Variants in LRP1B observed in about 807,000 individuals in gnomAD.
The protein encoded by LRP1B is low-density lipoprotein receptor-related protein 1B.
LRP1B carries 217 observed loss-of-function variants against 556.6 expected under a neutral mutation model. That is an observed-to-expected ratio of 0.39 (90% CI 0.35 to 0.44). The LOEUF is 0.44. LRP1B is among the 20% of genes least tolerant of loss of function. LRP1B has a pLI of 1.00. For missense variants in LRP1B, 5,053 were observed against 5,620.8 expected, an observed-to-expected ratio of 0.90 and a Z score of 3.23; for synonymous variants, 2,047 against 1,865.8, an observed-to-expected ratio of 1.10 and a Z score of -2.50.
At chr2:141,839,572 C>T (rs1279644241) in intron 1 of LRP1B, among the ~76,000 whole-genome samples, 3 of 152,110 alleles carry the variant, frequency 2.0e-5, no homozygotes, top group Non-Finnish European at 4.4e-5. Context: ...TTTGTGCCCT[C>T]GGTTAGGCTG....
chr2:142,042,110 G>A (rs983705937), intron 1 of LRP1B, among the ~76,000 whole-genome samples: 5 of 151,438 alleles, frequency 3.3e-5, no homozygotes, highest in East Asian at 2.0e-4. Context: ...CATAATGTGT[G>A]CTGTAAGCTA....
intron 3 of LRP1B, among the ~76,000 whole-genome samples, chr2:141,273,524 C>G (rs1269031148): frequency 6.6e-6 from 1 of 151,932 alleles, no homozygotes; most frequent in African/African-American, 2.4e-5. Context: ...ACTGGAAATC[C>G]ACATGCAAAA....
In LRP1B at chr2:140,262,476, C is replaced by T. The variant is rs536891728; in HGVS notation, c.13247+7766G>A. Among the ~76,000 whole-genome samples the T allele has an allele frequency of 1.4e-4, 22 of 152,190 alleles. No homozygotes were observed. The South Asian group carries it at 1.9e-3, about 13-fold the overall frequency. On this transcript the variant is annotated intron_variant, in intron 86 of 90. Coordinates refer to ENST00000389484, the MANE Select transcript of LRP1B (RefSeq NM_018557.3). ...AATAGGCTACACCAACAGTAATGGA[C>T]GAATATGTATGTGAATCCAGGGAAG...
At chr2:141,024,359 T>G (rs965970075) in intron 11 of LRP1B, among the ~76,000 whole-genome samples, 1 of 151,958 alleles carries the variant, frequency 6.6e-6, no homozygotes, top group South Asian at 2.1e-4. Context: ...CAAAATACCT[T>G]GATGTTGTAT....
intron 2 of LRP1B, among the ~76,000 whole-genome samples, chr2:141,675,349 T>A (rs1690835233): frequency 6.6e-6 from 1 of 152,064 alleles, no homozygotes; most frequent in East Asian, 1.9e-4. Context: ...CAAAAATAAT[T>A]CTCACATACT....
Position 140,353,001 on chromosome 2 carries a change from C to G in LRP1B, c.11602G>C (p.Val3868Leu), listed in dbSNP as rs182361356. The change falls in exon 76 of 91, where the codon GTG becomes CTG. Residue 3868 changes from valine to leucine, a missense_variant. By Grantham distance (32) the Val-to-Leu change is conservative. Transcript: ENST00000389484. ...CTTTCTTGAAAATTCTGGTCACACA[C>G]ACATTTATATGATCCTTCCACATTT... Reference protein sequence around the residue: ...CINVEGSYKCVCDQNFQERNN... With the variant: ...CINVEGSYKCLCDQNFQERNN... 1 of 1,612,856 alleles carries G rather than the reference C, an allele frequency of 6.2e-7. No homozygotes were observed. Among genetic ancestry groups the G allele is most frequent in the Middle Eastern group, 1.7e-4 (1 of 6,044 alleles).
intron 1 of LRP1B, among the ~76,000 whole-genome samples, chr2:141,840,439 A>G (rs2105759332): frequency 6.6e-6 from 1 of 151,404 alleles, no homozygotes; most frequent in Middle Eastern, 3.4e-3. Context: ...AATTTTTTGT[A>G]CTTTTAGTAG....
intron 84 of LRP1B, among the ~76,000 whole-genome samples, chr2:140,284,881 T>TATGG (rs1464754438): frequency 5.5e-5 from 8 of 146,338 alleles, no homozygotes; most frequent in East Asian, 2.0e-4. Context: ...TATATCTATC[T>TATGG]ATATCTATAT....
At chr2:141,662,584 G>T (rs533871944) in intron 2 of LRP1B, among the ~76,000 whole-genome samples, 1 of 152,012 alleles carries the variant, frequency 6.6e-6, no homozygotes, top group East Asian at 1.9e-4. Context: ...AAGACAAAAA[G>T]GGCATTACCT....
At chr2:141,321,115 G>A (rs957273403) in intron 3 of LRP1B, among the ~76,000 whole-genome samples, 1 of 152,094 alleles carries the variant, frequency 6.6e-6, no homozygotes, top group African/African-American at 2.4e-5. Flanking sequence ...AACATATAAT[G>A]TGGCAGGCTA....
intron 3 of LRP1B, among the ~76,000 whole-genome samples, chr2:141,361,568 C>T (rs1010909691): frequency 6.6e-6 from 1 of 152,138 alleles, no homozygotes; most frequent in Non-Finnish European, 1.5e-5. Context: ...TAAAACATAT[C>T]TCGATGTGTC....
intron 35 of LRP1B, among the ~76,000 whole-genome samples, chr2:140,763,393 G>A (rs1339889167): frequency 6.6e-6 from 1 of 152,006 alleles, no homozygotes; most frequent in African/African-American, 2.4e-5. Context: ...ACTCAGGCAG[G>A]GAAAAAGAAA....
At chr2:142,044,441 G>A (rs1180669320) in intron 1 of LRP1B, among the ~76,000 whole-genome samples, 1 of 151,714 alleles carries the variant, frequency 6.6e-6, no homozygotes, top group Non-Finnish European at 1.5e-5. Flanking sequence ...CAGAGGTTGA[G>A]CTGATCTTTG....
At chr2:142,058,914 C>T (rs1009339896) in intron 1 of LRP1B, among the ~76,000 whole-genome samples, 23 of 152,168 alleles carry the variant, frequency 1.5e-4, no homozygotes, top group Middle Eastern at 6.8e-3. Context: ...AAAGTTATTT[C>T]ATCTTTTTCT....
chr2:140,938,392 C>G (rs1351031696), intron 20 of LRP1B, among the ~76,000 whole-genome samples: 32 of 152,012 alleles, frequency 2.1e-4, no homozygotes, highest in Non-Finnish European at 1.0e-4. Flanking sequence ...CTTATTGTAA[C>G]TATTTAATAT....
chr2:140,444,575 C>A lies in LRP1B; in HGVS notation c.10162G>T (p.Glu3388Ter), dbSNP rs868176041. The change falls in exon 64 of 91, where the codon GAA (glutamate) becomes TAA (stop). Residue 3388 changes from glutamate (E) to a stop codon, truncating the protein, a stop_gained. Transcript: ENST00000389484. LOFTEE classifies it high-confidence loss of function. ...TTTAATCACCTACCACAGTTGAGTT[C>A]ATCAGAATTGTCTCCACAATCATTC... ...GENDCGDNSD[E>*]LNCDTHVCLS... is the part of the protein sequence containing the mutation. The A allele has an allele frequency of 6.2e-7, 1 of 1,613,502 alleles. No individual in the cohort carries two copies. The highest frequency in any genetic ancestry group is 1.3e-5 in the African/African-American group (1 of 74,894).
At chr2:141,217,927 A>G (rs760216710) in intron 6 of LRP1B, among the ~76,000 whole-genome samples, 6 of 152,292 alleles carry the variant, frequency 3.9e-5, no homozygotes, top group African/African-American at 7.2e-5. Context: ...AGCAAAGGAC[A>G]TGAACAGACA....
intron 66 of LRP1B, among the ~76,000 whole-genome samples, chr2:140,436,611 T>TG: frequency 6.7e-6 from 1 of 148,538 alleles, no homozygotes; most frequent in South Asian, 2.1e-4. Context: ...TCACTGTCTT[T>TG]TTTTTTTTTT....
intron 43 of LRP1B, among the ~76,000 whole-genome samples, chr2:140,573,951 C>A (rs1383208448): frequency 1.3e-5 from 2 of 151,890 alleles, no homozygotes; most frequent in Non-Finnish European, 2.9e-5. Flanking sequence ...ACTAATGCTT[C>A]TTATGGCCTA....
Sources: gnomAD v4.1 joint callset for allele counts (sites outside exome capture counted in the v4.1 genomes callset) on GRCh38, gnomAD v4.1.1 for gene constraint, MANE v1.5 for transcripts, NCBI Gene and HGNC (gene_info 2026-07-23, HGNC 2026-07-21) for gene names.